Variants in LRRTM3 observed in about 807,000 individuals in gnomAD.
LRRTM3 encodes leucine rich repeat transmembrane neuronal 3.
LRRTM3 carries 24 observed loss-of-function variants against 44.7 expected under a neutral mutation model. The observed-to-expected ratio is 0.54, with a 90% CI of 0.39 to 0.76. The LOEUF is 0.76. Ranked by LOEUF, LRRTM3 falls within the 30% of genes least tolerant of loss-of-function variation. The pLI is 0.00. For missense variants in LRRTM3, 587 were observed against 702.2 expected, an observed-to-expected ratio of 0.84 and a Z score of 1.85; for synonymous variants, 277 against 278.7, an observed-to-expected ratio of 0.99 and a Z score of 0.06.
chr10:67,042,548 G>A (rs1854465332), intron 2 of LRRTM3, among the ~76,000 whole-genome samples: 1 of 151,794 alleles, frequency 6.6e-6, no homozygotes, highest in Non-Finnish European at 1.5e-5. Flanking sequence ...AAATAGTGTG[G>A]GCAAGAACAT....
chr10:67,096,987 T>A (rs1858029985), intron 2 of LRRTM3, among the ~76,000 whole-genome samples: 1 of 151,918 alleles, frequency 6.6e-6, no homozygotes, highest in Non-Finnish European at 1.5e-5. Context: ...GAATGGCTTG[T>A]CTAGATAATT....
At chr10:67,020,266 G>C (rs1852920251) in intron 2 of LRRTM3, among the ~76,000 whole-genome samples, 1 of 152,172 alleles carries the variant, frequency 6.6e-6, no homozygotes, top group South Asian at 2.1e-4. Context: ...TATTATGTGG[G>C]AGGGGAAGCA....
intron 2 of LRRTM3, among the ~76,000 whole-genome samples, chr10:67,000,330 T>C (rs541412569): frequency 1.3e-3 from 197 of 152,316 alleles, no homozygotes; most frequent in African/African-American, 4.6e-3. Flanking sequence ...CCCTTACTCT[T>C]GCTGACCCAA....
At chr10:66,982,638 A>C (rs6480244) in intron 2 of LRRTM3, among the ~76,000 whole-genome samples, 93,842 of 151,978 alleles carry the variant, frequency 0.62, 29,149 homozygotes, top group Admixed American at 0.7. Flanking sequence ...AAAAATTGTT[A>C]ACCTTGTGAG....
chr10:67,017,753 G>GTGCA (rs56234822), intron 2 of LRRTM3, among the ~76,000 whole-genome samples: 2 of 146,812 alleles, frequency 1.4e-5, no homozygotes, highest in African/African-American at 5.3e-5. Context: ...GTGTGTGTGT[G>GTGCA]CGCGCGTACA....
chr10:67,088,824 T>C (rs750555610), intron 2 of LRRTM3, among the ~76,000 whole-genome samples: 1 of 152,060 alleles, frequency 6.6e-6, no homozygotes, highest in Non-Finnish European at 1.5e-5. Flanking sequence ...ATTGAGTTCC[T>C]GCCTTATTAT....
intron 2 of LRRTM3, among the ~76,000 whole-genome samples, chr10:67,079,281 A>G (rs1474183709): frequency 6.6e-6 from 1 of 152,210 alleles, no homozygotes; most frequent in Non-Finnish European, 1.5e-5. Context: ...TTAAGAAACT[A>G]TCATAAATAC....
Position 66,935,347 on chromosome 10 carries a change from G to T in LRRTM3, c.1536+6895G>T, listed in dbSNP as rs1024559886. Among the ~76,000 whole-genome samples the T allele has an allele frequency of 4.6e-5, 7 of 152,078 alleles. No individual in the cohort carries two copies. The South Asian group carries it at 6.2e-4, about 13-fold the overall frequency. On this transcript the variant is annotated intron_variant, in intron 2 of 2. Transcript: ENST00000361320. ...GTTATAACGGTGAAAACTCTAGGAAGTTTACCATAGTGAAAACTCTCCAAG... is the reference window on the plus strand; with the variant it reads ...GTTATAACGGTGAAAACTCTAGGAATTTTACCATAGTGAAAACTCTCCAAG...
intron 2 of LRRTM3, among the ~76,000 whole-genome samples, chr10:67,011,513 T>G (rs1390406199): frequency 6.6e-6 from 1 of 152,278 alleles, no homozygotes; most frequent in South Asian, 2.1e-4. Context: ...GGAGTTAAAC[T>G]TAAAACTTTA....
rs753618189 is a variant in LRRTM3 at position 66,926,342 on chromosome 10, C to A, written c.-242C>A. ...CGTAATATCCATGAAGATCCTATTA[C>A]CTAGGAAGATTTTGATGTTTTGCTG... is the stretch of plus-strand genomic sequence containing the variant. On this transcript the variant is annotated 5_prime_UTR_variant, in exon 1 of 3. Transcript: ENST00000361320. The A allele has an allele frequency of 7.4e-6, 4 of 540,424 alleles. No individual in the cohort carries two copies. Among genetic ancestry groups the A allele is most frequent in the East Asian group, 3.3e-5 (1 of 29,990 alleles). 33.5% of individuals were successfully genotyped at this position (540,424 alleles called of 1,614,324 possible). A position where few individuals can be genotyped will look rare whatever the true frequency, so the allele number is the denominator to read the frequency against.
At chr10:66,944,930 C>T (rs952453144) in intron 2 of LRRTM3, among the ~76,000 whole-genome samples, 1 of 152,114 alleles carries the variant, frequency 6.6e-6, no homozygotes, top group African/African-American at 2.4e-5. Context: ...CTTAAAATGT[C>T]CAGTAAACCA....
intron 2 of LRRTM3, among the ~76,000 whole-genome samples, chr10:66,963,367 G>A (rs1453931462): frequency 1.3e-5 from 2 of 152,120 alleles, no homozygotes; most frequent in Non-Finnish European, 2.9e-5. Context: ...TTGTAGTATG[G>A]AAAATGTGAT....
chr10:67,060,750 C>T (rs908123360), intron 2 of LRRTM3, among the ~76,000 whole-genome samples: 1 of 152,278 alleles, frequency 6.6e-6, no homozygotes, highest in South Asian at 2.1e-4. Context: ...AACTGTGGTG[C>T]CTCTGTCAGC....
At chr10:67,041,385 A>G (rs1188655853) in intron 2 of LRRTM3, among the ~76,000 whole-genome samples, 2 of 152,258 alleles carry the variant, frequency 1.3e-5, no homozygotes, top group East Asian at 3.9e-4. Context: ...AGTGAATGCC[A>G]AAAGTGATCT....
intron 2 of LRRTM3, among the ~76,000 whole-genome samples, chr10:67,067,249 G>C (rs1186704803): frequency 6.6e-6 from 1 of 152,076 alleles, no homozygotes; most frequent in African/African-American, 2.4e-5. Context: ...TTATATATTT[G>C]TCTGTTCGTA....
At chr10:67,019,061 C>T (rs1364652683) in intron 2 of LRRTM3, among the ~76,000 whole-genome samples, 2 of 152,086 alleles carry the variant, frequency 1.3e-5, no homozygotes, top group African/African-American at 4.8e-5. Flanking sequence ...GAATACAGTG[C>T]CTGCACTTAC....
chr10:67,062,406 G>T (rs548689798), intron 2 of LRRTM3, among the ~76,000 whole-genome samples: 2 of 152,262 alleles, frequency 1.3e-5, no homozygotes, highest in South Asian at 4.1e-4. Flanking sequence ...AAATGTCAGC[G>T]ATGACTCATG....
chr10:66,987,765 A>G (rs1850815459), intron 2 of LRRTM3, among the ~76,000 whole-genome samples: 1 of 152,214 alleles, frequency 6.6e-6, no homozygotes, highest in Non-Finnish European at 1.5e-5. Flanking sequence ...CATTTCTGTG[A>G]ATTTAGCTCA....
chr10:67,022,530 G>T (rs934831108), intron 2 of LRRTM3, among the ~76,000 whole-genome samples: 1 of 152,176 alleles, frequency 6.6e-6, no homozygotes, highest in Non-Finnish European at 1.5e-5. Flanking sequence ...GGAAGGTCAT[G>T]AATTTTAACT....
Sources: allele counts gnomAD v4.1 joint callset (sites outside exome capture counted in the v4.1 genomes callset), GRCh38; gene constraint gnomAD v4.1.1; transcripts MANE v1.5; gene names NCBI Gene and HGNC (gene_info 2026-07-23, HGNC 2026-07-21).